ELMO1: variants seen among roughly 807,000 people sequenced by gnomAD.
ELMO1 encodes the protein engulfment and cell motility protein 1.
Under a neutral mutation model 98.9 loss-of-function variants are expected in ELMO1, and 26 were observed. That is an observed-to-expected ratio of 0.26 (90% CI 0.19 to 0.36). ELMO1 has a LOEUF of 0.36. ELMO1 is among the 10% of genes least tolerant of loss of function. The pLI is 1.00. For missense variants in ELMO1, 627 were observed against 935.2 expected (o/e 0.67, Z 4.30); for synonymous variants, 346 against 346.0 (o/e 1.00, Z 0.00).
Position 37,162,628 on chromosome 7 carries a change from T to A in ELMO1, c.1087-29394A>T, listed in dbSNP as rs370565153. Among the ~76,000 whole-genome samples, 116 of 152,192 alleles carry A rather than the reference T, an allele frequency of 7.6e-4. 1 individual carries two copies. The highest frequency in any genetic ancestry group is 2.5e-3 in the South Asian group (12 of 4,822). On this transcript the variant is annotated intron_variant, in intron 13 of 21. Coordinates refer to ENST00000310758, the MANE Select transcript of ELMO1 (RefSeq NM_014800.11). ...TTTGAATCTTGACAAAGTGAAAAAA[T>A]TTTTTAAAGTTGAAAACAGGACTTG...
chr7:37,107,134 T>C (rs903527487), intron 14 of ELMO1, among the ~76,000 whole-genome samples: 5 of 152,232 alleles, frequency 3.3e-5, no homozygotes, highest in African/African-American at 4.8e-5. Context: ...AGCAACTTGC[T>C]AGATATTAAA....
intron 2 of ELMO1, among the ~76,000 whole-genome samples, chr7:37,324,754 T>C (rs183055528): frequency 2.0e-5 from 3 of 152,304 alleles, no homozygotes; most frequent in Non-Finnish European, 4.4e-5. Flanking sequence ...GCTGGTTTAC[T>C]TTTTGTAGAG....
At chr7:37,230,290 A>T (rs1477554634) in intron 8 of ELMO1, among the ~76,000 whole-genome samples, 1 of 152,202 alleles carries the variant, frequency 6.6e-6, no homozygotes, top group Non-Finnish European at 1.5e-5. Context: ...CAAGTGCTGG[A>T]ACAGGGGCAT....
chr7:37,395,400 T>C (rs1391270420), intron 1 of ELMO1, among the ~76,000 whole-genome samples: 4 of 147,130 alleles, frequency 2.7e-5, no homozygotes, highest in Admixed American at 2.0e-4. Context: ...GAGTTGTTCA[T>C]CCTGCCTCTC....
intron 1 of ELMO1, among the ~76,000 whole-genome samples, chr7:37,433,942 T>C (rs1346271550): frequency 6.6e-6 from 1 of 151,998 alleles, no homozygotes; most frequent in Non-Finnish European, 1.5e-5. Context: ...CCGAACCTCA[T>C]CTGGGACTTA....
intron 5 of ELMO1, among the ~76,000 whole-genome samples, chr7:37,267,091 G>GTACT (rs1796306741): frequency 7.3e-6 from 1 of 137,664 alleles, no homozygotes; most frequent in Non-Finnish European, 1.5e-5. Context: ...ACACACACGA[G>GTACT]TACTACTGGA....
intron 10 of ELMO1, among the ~76,000 whole-genome samples, chr7:37,218,116 C>G (rs1793399701): frequency 6.6e-6 from 1 of 151,998 alleles, no homozygotes; most frequent in South Asian, 2.1e-4. Context: ...TCTCCTAGAC[C>G]AGATGACAAA....
At chr7:37,158,124 T>G (rs1463139502) in intron 13 of ELMO1, among the ~76,000 whole-genome samples, 1 of 151,732 alleles carries the variant, frequency 6.6e-6, no homozygotes, top group Non-Finnish European at 1.5e-5. Flanking sequence ...GAAACTGGAT[T>G]CCCTTCCTTA....
At chr7:36,944,073 C>A (rs1008736733) in intron 16 of ELMO1, among the ~76,000 whole-genome samples, 11 of 152,176 alleles carry the variant, frequency 7.2e-5, no homozygotes, top group African/African-American at 1.9e-4. Flanking sequence ...GGTATTGCCA[C>A]AAGAACACAT....
At chr7:36,928,887 C>T (rs1785795633) in intron 16 of ELMO1, among the ~76,000 whole-genome samples, 1 of 152,214 alleles carries the variant, frequency 6.6e-6, no homozygotes, top group African/African-American at 2.4e-5. Context: ...AAGAGCTGCA[C>T]AGCACGTGCA....
At chr7:37,419,843 C>G (rs533422082) in intron 1 of ELMO1, 17 of 152,174 alleles carry the variant, frequency 1.1e-4, no homozygotes, top group Non-Finnish European at 2.4e-4. Flanking sequence ...CCAGTGGCAA[C>G]ATTTTCATAT....
At chr7:37,033,721 A>C (rs966926011) in intron 15 of ELMO1, among the ~76,000 whole-genome samples, 4 of 152,216 alleles carry the variant, frequency 2.6e-5, no homozygotes, top group African/African-American at 9.6e-5. Flanking sequence ...CCATGATGTG[A>C]GATCAGGGAC....
intron 14 of ELMO1, among the ~76,000 whole-genome samples, chr7:37,124,486 C>A (rs1429179266): frequency 1.3e-5 from 2 of 152,084 alleles, no homozygotes; most frequent in Non-Finnish European, 2.9e-5. Flanking sequence ...TCTTATACAC[C>A]AATAACAGAC....
rs958317326 is a variant in ELMO1, at chr7:36,854,009, C to T, written c.*1542G>A. 6.6e-6 allele frequency among the ~76,000 whole-genome samples: 1 copy of T among 152,038 alleles called. No homozygotes were observed. Among genetic ancestry groups the T allele is most frequent in the Non-Finnish European group, 1.5e-5 (1 of 68,012 alleles). On this transcript the variant is annotated 3_prime_UTR_variant, in exon 22 of 22. Transcript: ENST00000310758. ...CAAAGTTGTGATGTCTTTAATTAGA[C>T]CCATTCTATAAATTATATCATGGTA... is the stretch of plus-strand genomic sequence containing the variant.
chr7:37,086,396 T>A (rs35464225), intron 15 of ELMO1, among the ~76,000 whole-genome samples: 13,317 of 148,406 alleles, frequency 0.09, 677 homozygotes, highest in African/African-American at 0.13. Flanking sequence ...AGAGGGTGAA[T>A]GATAAAACAT....
rs140315317 is a variant in ELMO1 at position 37,082,258 on chromosome 7, G to A, written c.1300+14361C>T. On this transcript the variant is annotated intron_variant, in intron 15 of 21. Coordinates refer to ENST00000310758, the MANE Select transcript of ELMO1 (RefSeq NM_014800.11). The stretch of plus-strand genomic sequence containing the variant: ...GGATGCTTGCATGGGAAAATAGAGG[G>A]GGAGAAATCAGTTGGGCAGAAAATG... 8.9e-3 allele frequency among the ~76,000 whole-genome samples: 1,356 copies of A among 152,232 alleles called. 6 individuals are homozygous for A. The highest frequency in any genetic ancestry group is 0.014 in the Middle Eastern group (4 of 294).
At chr7:37,435,378 C>T (rs1805101762) in intron 1 of ELMO1, among the ~76,000 whole-genome samples, 1 of 152,180 alleles carries the variant, frequency 6.6e-6, no homozygotes, top group Non-Finnish European at 1.5e-5. Context: ...GGGTGGTTTC[C>T]ACCCCCTGCA....
At chr7:37,425,873 A>G (rs1428320512) in intron 1 of ELMO1, among the ~76,000 whole-genome samples, 1 of 152,250 alleles carries the variant, frequency 6.6e-6, no homozygotes, top group Non-Finnish European at 1.5e-5. Context: ...TGTCCTAGGC[A>G]GAGTCCCCCA....
chr7:37,030,533 TAAGA>T (rs1794823795), intron 15 of ELMO1, among the ~76,000 whole-genome samples: 1 of 152,170 alleles, frequency 6.6e-6, no homozygotes, highest in South Asian at 2.1e-4. Context: ...TGGTTCTTAG[TAAGA>T]AAGACATTCT....
Sources: gnomAD v4.1 joint callset for allele counts (sites outside exome capture counted in the v4.1 genomes callset) on GRCh38, gnomAD v4.1.1 for gene constraint, MANE v1.5 for transcripts, NCBI Gene and HGNC (gene_info 2026-07-23, HGNC 2026-07-21) for gene names.